The following ANAPC10 variants were observed in gnomAD, a reference collection of about 807,000 sequenced individuals.
ANAPC10 encodes the protein anaphase promoting complex subunit 10.
ANAPC10 carries 12 observed loss-of-function variants against 22.0 expected under a neutral mutation model. The observed-to-expected ratio is 0.55, with a 90% CI of 0.35 to 0.88. The LOEUF (loss-of-function observed/expected upper bound fraction) is 0.88. Among genes scored for constraint, ANAPC10 ranks in the 40% least tolerant of loss-of-function variants. ANAPC10 has a pLI of 0.01. For missense variants in ANAPC10, 188 were observed against 220.9 expected, an observed-to-expected ratio of 0.85 and a Z score of 0.94; for synonymous variants, 65 against 69.5, an observed-to-expected ratio of 0.94 and a Z score of 0.32.
chr4:145,080,113 CAAAAAAAAAA>C (rs70956824), intron 3 of ANAPC10, among the ~76,000 whole-genome samples: 1 of 26,790 alleles, frequency 3.7e-5, no homozygotes, highest in Non-Finnish European at 6.3e-5. Context: ...GACTCTGTCT[CAAAAAAAAAA>C]AAAAAAAAAA....
chr4:145,073,176 G>A (rs558336931), intron 3 of ANAPC10, among the ~76,000 whole-genome samples: 227 of 152,298 alleles, frequency 1.5e-3, no homozygotes, highest in African/African-American at 5.3e-3. Flanking sequence ...TTATAGGCGT[G>A]AGCCACTGCA....
intron 3 of ANAPC10, among the ~76,000 whole-genome samples, chr4:145,079,408 G>C (rs981503554): frequency 2.6e-5 from 4 of 152,158 alleles, no homozygotes; most frequent in African/African-American, 9.7e-5. Context: ...GAAAAAAAGG[G>C]AATACTTATA....
chr4:145,042,684 A>G (rs1472109144), intron 4 of ANAPC10, among the ~76,000 whole-genome samples: 1 of 152,156 alleles, frequency 6.6e-6, no homozygotes, highest in African/African-American at 2.4e-5. Flanking sequence ...CAAATGTTTC[A>G]CTACACTCAG....
intron 4 of ANAPC10, among the ~76,000 whole-genome samples, chr4:145,031,467 G>A (rs1330055873): frequency 6.6e-6 from 1 of 152,212 alleles, no homozygotes; most frequent in African/African-American, 2.4e-5. Context: ...CTACAACCAA[G>A]AAAGAGGCAC....
chr4:145,018,270 C>T (rs1735495566), intron 4 of ANAPC10, among the ~76,000 whole-genome samples: 1 of 151,944 alleles, frequency 6.6e-6, no homozygotes, highest in African/African-American at 2.4e-5. Flanking sequence ...CCTCACATCT[C>T]AATACTAACA....
intron 4 of ANAPC10, among the ~76,000 whole-genome samples, chr4:145,022,894 T>C (rs911384356): frequency 6.6e-6 from 1 of 152,074 alleles, no homozygotes; most frequent in African/African-American, 2.4e-5. Flanking sequence ...ATTATTATAC[T>C]TAAAGTTTTA....
intron 4 of ANAPC10, among the ~76,000 whole-genome samples, chr4:145,054,696 C>A (rs186973015): frequency 1.7e-3 from 248 of 142,458 alleles, no homozygotes; most frequent in Non-Finnish European, 3.2e-3. Context: ...GTGTGTGTGC[C>A]TGTGTGTGTG....
At chr4:145,051,154 T>C (rs543792932) in intron 4 of ANAPC10, among the ~76,000 whole-genome samples, 27 of 152,304 alleles carry the variant, frequency 1.8e-4, no homozygotes, top group African/African-American at 6.3e-4. Context: ...AGAGGCCTAA[T>C]TGAATCAAGC....
intron 4 of ANAPC10, among the ~76,000 whole-genome samples, chr4:145,017,691 C>T (rs1253146225): frequency 1.3e-5 from 2 of 152,056 alleles, no homozygotes; most frequent in Non-Finnish European, 2.9e-5. Context: ...TGCAGCACTA[C>T]TCACAATAGC....
chr4:145,096,198 C>T, intron 1 of ANAPC10, 87 bp from the exon 2 acceptor site: 1 of 1,269,068 alleles, frequency 7.9e-7, no homozygotes, highest in Admixed American at 2.2e-5. Context: ...TTTAATGGAA[C>T]TCATATACCC....
At chr4:145,097,219 G>GA in intron 1 of ANAPC10, 5 of 328,482 alleles carry the variant, frequency 1.5e-5, no homozygotes, top group Non-Finnish European at 3.0e-5. Flanking sequence ...ACAAAAATAA[G>GA]AAAAAAATGT....
chr4:145,023,356 G>A (rs1455154680), intron 4 of ANAPC10, among the ~76,000 whole-genome samples: 2 of 152,102 alleles, frequency 1.3e-5, no homozygotes, highest in African/African-American at 2.4e-5. Context: ...TGGTTGACAC[G>A]GTCCTGCATG....
intron 4 of ANAPC10, among the ~76,000 whole-genome samples, chr4:145,024,904 C>T (rs1336940925): frequency 2.0e-5 from 3 of 152,334 alleles, no homozygotes; most frequent in Middle Eastern, 3.4e-3. Flanking sequence ...GTTTTGTCTA[C>T]ACTGAAAATG....
intron 4 of ANAPC10, among the ~76,000 whole-genome samples, chr4:145,032,629 C>T (rs1737797353): frequency 6.6e-6 from 1 of 152,204 alleles, no homozygotes; most frequent in South Asian, 2.1e-4. Context: ...AACAAAGCAG[C>T]CATGGTAGCA....
intron 4 of ANAPC10, among the ~76,000 whole-genome samples, chr4:145,024,612 C>A (rs1736400810): frequency 1.3e-5 from 2 of 152,134 alleles, no homozygotes; most frequent in Non-Finnish European, 2.9e-5. Flanking sequence ...AGCAGTAGGT[C>A]TCAACAGTGG....
chr4:145,024,035 A>G (rs917921491), intron 4 of ANAPC10, among the ~76,000 whole-genome samples: 4 of 152,208 alleles, frequency 2.6e-5, no homozygotes, highest in African/African-American at 9.6e-5. Context: ...TGTTCACAGC[A>G]TCTTTACCAG....
intron 3 of ANAPC10, among the ~76,000 whole-genome samples, chr4:145,067,625 A>T (rs2126493410): frequency 6.6e-6 from 1 of 152,340 alleles, no homozygotes; most frequent in Non-Finnish European, 1.5e-5. Context: ...TAATGCAGTT[A>T]TATTTCTCAA....
chr4:145,048,002 C>T (rs1186508724), intron 4 of ANAPC10, among the ~76,000 whole-genome samples: 1 of 152,080 alleles, frequency 6.6e-6, no homozygotes, highest in Non-Finnish European at 1.5e-5. Flanking sequence ...GCCCTATATT[C>T]CCCAAAGCTA....
chr4:145,058,121 C>G (rs1742338076), intron 4 of ANAPC10, among the ~76,000 whole-genome samples: 1 of 152,136 alleles, frequency 6.6e-6, no homozygotes, highest in Admixed American at 6.5e-5. Context: ...AGAATGTAAA[C>G]TTATGTATGG....
Sources: allele counts gnomAD v4.1 joint callset (sites outside exome capture counted in the v4.1 genomes callset), GRCh38; gene constraint gnomAD v4.1.1; transcripts MANE v1.5; gene names NCBI Gene and HGNC (gene_info 2026-07-23, HGNC 2026-07-21).